The following SASH1 variants were observed in gnomAD, a reference collection of about 807,000 sequenced individuals.
SASH1 encodes the protein SAM and SH3 domain containing 1, also known as SAM and SH3 domain-containing protein 1.
Under a neutral mutation model 125.2 loss-of-function variants are expected in SASH1, and 44 were observed. The ratio of observed to expected loss-of-function variants is 0.35; its 90% CI spans 0.28 to 0.45. SASH1 has a LOEUF of 0.45. SASH1 is among the 20% of genes least tolerant of loss of function. The probability of loss-of-function intolerance (pLI) is 1.00; values close to 1 mark genes in which losing one functional copy is unlikely to be tolerated. For synonymous variants in SASH1, 639 were observed against 649.1 expected (o/e 0.98, Z 0.24); for missense variants, 1,426 against 1,614.5 (o/e 0.88, Z 2.00).
chr6:148,244,904 ATGTGTGTG>A, the SASH1 span, among the ~76,000 whole-genome samples: 1 of 119,024 alleles, frequency 8.4e-6, no homozygotes, highest in African/African-American at 3.2e-5. Flanking sequence ...GGCCTGGGGC[ATGTGTGTG>A]TGTGTGTGTG....
intron 12 of SASH1, among the ~76,000 whole-genome samples, chr6:148,530,234 T>A (rs1216580173): frequency 6.6e-6 from 1 of 152,212 alleles, no homozygotes; most frequent in Non-Finnish European, 1.5e-5. Flanking sequence ...TTCATAAACA[T>A]GTGATGAATA....
chr6:148,338,480 G>A (rs893875671), upstream of SASH1, among the ~76,000 whole-genome samples: 3 of 151,264 alleles, frequency 2.0e-5, no homozygotes, highest in African/African-American at 7.3e-5. Context: ...CTTTGATTCT[G>A]CCCCATGTAG....
At chr6:148,210,190 T>C in the SASH1 span, among the ~76,000 whole-genome samples, 1 of 152,324 alleles carries the variant, frequency 6.6e-6, no homozygotes, top group South Asian at 2.1e-4. Flanking sequence ...TAAAGACTGC[T>C]GATGCCCCTT....
At chr6:148,382,889 G>T (rs548183888) in intron 1 of SASH1, among the ~76,000 whole-genome samples, 2 of 152,310 alleles carry the variant, frequency 1.3e-5, no homozygotes, top group African/African-American at 4.8e-5. Context: ...GTGCCCCTGG[G>T]GGCTTCACTT....
intron 7 of SASH1, among the ~76,000 whole-genome samples, chr6:148,485,846 G>T (rs977582796): frequency 6.6e-6 from 1 of 152,164 alleles, no homozygotes; most frequent in African/African-American, 2.4e-5. Context: ...GGGCAGGCAG[G>T]TTCAATTATT....
chr6:148,330,201 GTGT>G (rs1297551865), intron 1 of SASH1, among the ~76,000 whole-genome samples: 1 of 152,086 alleles, frequency 6.6e-6, no homozygotes, highest in Non-Finnish European at 1.5e-5. Context: ...CATACGTGTG[GTGT>G]TGTTGTTCAC....
the SASH1 span, among the ~76,000 whole-genome samples, chr6:148,244,498 C>A: frequency 6.6e-6 from 1 of 152,162 alleles, no homozygotes; most frequent in Non-Finnish European, 1.5e-5. Flanking sequence ...TATGATGATA[C>A]AAATGTCACA....
chr6:148,223,878 T>A, the SASH1 span, among the ~76,000 whole-genome samples: 1 of 152,226 alleles, frequency 6.6e-6, no homozygotes, highest in African/African-American at 2.4e-5. Flanking sequence ...GCCTCAATAA[T>A]CTATACTGCT....
chr6:148,476,225 A>C (rs1778336150), intron 7 of SASH1, among the ~76,000 whole-genome samples: 1 of 150,640 alleles, frequency 6.6e-6, no homozygotes, highest in South Asian at 2.1e-4. Context: ...AAAGAAGTGA[A>C]AGCTCTCTAT....
Position 148,343,165 on chromosome 6 carries a change from CG to C in SASH1, c.101del (p.Gly34ValfsTer15). Reference sequence around the variant, plus strand: ...CCGGAGCCGGAACCGGAGCCCAAGCCGGGTGCTGGCACATCCGAGGCGTTCT... The same window carrying C: ...CCGGAGCCGGAACCGGAGCCCAAGCCGGTGCTGGCACATCCGAGGCGTTCT... ...PAPEPEPEPK[P>X]GAGTSEAFSR... On this transcript the variant is annotated frameshift_variant, in exon 1 of 20. Transcript: ENST00000367467. LOFTEE classifies it high-confidence loss of function. The C allele has an allele frequency of 6.2e-7, 1 of 1,600,366 alleles. No individual in the cohort carries two copies.
chr6:148,261,170 T>C, the SASH1 span, among the ~76,000 whole-genome samples: 7 of 152,134 alleles, frequency 4.6e-5, no homozygotes, highest in Non-Finnish European at 8.8e-5. Context: ...ACCATGAAGA[T>C]TTCCACCTGG....
intron 16 of SASH1, among the ~76,000 whole-genome samples, chr6:148,537,670 T>C (rs990166502): frequency 1.3e-5 from 2 of 152,178 alleles, no homozygotes; most frequent in Non-Finnish European, 2.9e-5. Flanking sequence ...AAGAATCCCA[T>C]TCCCTTCTCT....
At chr6:148,474,597 G>A (rs1778258761) in intron 7 of SASH1, among the ~76,000 whole-genome samples, 1 of 151,876 alleles carries the variant, frequency 6.6e-6, no homozygotes, top group Admixed American at 6.6e-5. Context: ...TTTGAGATAG[G>A]GTCTCACTAT....
Position 148,459,131 on chromosome 6 carries a change from A to G in SASH1, c.387-9414A>G, listed in dbSNP as rs1287563657. 3.9e-5 allele frequency among the ~76,000 whole-genome samples: 6 copies of G among 152,148 alleles called. No individual in the cohort carries two copies. The South Asian group carries it at 6.2e-4, about 16-fold the overall frequency. On this transcript the variant is annotated intron_variant, in intron 4 of 19. Transcript: ENST00000367467. ...GCTGGAATAGGTGCTGTTACTGTCAATAGTGTTGTTAGTATCAAAGCTGGC... is the reference window on the plus strand; with the variant it reads ...GCTGGAATAGGTGCTGTTACTGTCAGTAGTGTTGTTAGTATCAAAGCTGGC...
the SASH1 span, among the ~76,000 whole-genome samples, chr6:148,229,736 T>G: frequency 2.2e-5 from 3 of 135,498 alleles, no homozygotes; most frequent in Non-Finnish European, 4.9e-5. Context: ...TTTTTTTTTT[T>G]TTTGAGACAG....
At chr6:148,504,994 C>A (rs1779722098) in intron 8 of SASH1, among the ~76,000 whole-genome samples, 1 of 152,194 alleles carries the variant, frequency 6.6e-6, no homozygotes, top group African/African-American at 2.4e-5. Context: ...CCGCCACCCT[C>A]CCCAAAGTAT....
intron 1 of SASH1, among the ~76,000 whole-genome samples, chr6:148,361,772 A>G (rs1371411848): frequency 6.6e-6 from 1 of 152,114 alleles, no homozygotes; most frequent in Non-Finnish European, 1.5e-5. Flanking sequence ...GGAAACATTT[A>G]TCAGGTATGG....
chr6:148,384,527 G>A (rs1286605810), intron 1 of SASH1, among the ~76,000 whole-genome samples: 3 of 152,104 alleles, frequency 2.0e-5, no homozygotes, highest in Non-Finnish European at 2.9e-5. Flanking sequence ...TGAGTCAGAC[G>A]TAGATTTTGT....
At chr6:148,310,258 G>T (rs535511508) in intron 1 of SASH1, among the ~76,000 whole-genome samples, 1 of 152,250 alleles carries the variant, frequency 6.6e-6, no homozygotes, top group East Asian at 1.9e-4. Context: ...GGAGACGGAG[G>T]TTGCAGTAAG....
Sources: allele counts gnomAD v4.1 joint callset (sites outside exome capture counted in the v4.1 genomes callset), GRCh38; gene constraint gnomAD v4.1.1; transcripts MANE v1.5; gene names NCBI Gene and HGNC (gene_info 2026-07-23, HGNC 2026-07-21).